Variants in FUT8 observed in about 807,000 individuals in gnomAD.
FUT8 encodes alpha-(1,6)-fucosyltransferase.
FUT8 carries 29 observed loss-of-function variants against 71.3 expected under a neutral mutation model. The observed-to-expected ratio is 0.41, with a 90% confidence interval of 0.30 to 0.55. The LOEUF is 0.55. FUT8 is among the 20% of genes least tolerant of loss of function. The pLI is 0.34. For missense variants in FUT8, 544 were observed against 702.1 expected (o/e 0.77, Z 2.55); for synonymous variants, 254 against 239.3 (o/e 1.06, Z -0.57).
At chr14:65,633,099 G>A (rs1398177384) in intron 6 of FUT8, among the ~76,000 whole-genome samples, 1 of 148,546 alleles carries the variant, frequency 6.7e-6, no homozygotes, top group East Asian at 2.0e-4. Flanking sequence ...CTGCCATCTC[G>A]GCTCACTGCA....
the FUT8 span, among the ~76,000 whole-genome samples, chr14:65,382,373 A>G: frequency 1.3e-5 from 2 of 152,104 alleles, no homozygotes; most frequent in Non-Finnish European, 2.9e-5. Context: ...GTCTCGCTCT[A>G]TCACCCAGGC....
At chr14:65,650,323 A>AC (rs1263229465) in intron 6 of FUT8, among the ~76,000 whole-genome samples, 11 of 146,202 alleles carry the variant, frequency 7.5e-5, no homozygotes, top group South Asian at 2.2e-4. Flanking sequence ...AAAAAAAAAA[A>AC]AAAACCTGAG....
chr14:65,689,953 C>A (rs1893493246), intron 7 of FUT8, among the ~76,000 whole-genome samples: 1 of 152,214 alleles, frequency 6.6e-6, no homozygotes, highest in South Asian at 2.1e-4. Flanking sequence ...CCTAAATAAT[C>A]TCCTGTGTTA....
chr14:65,723,612 A>G (rs995923158), intron 8 of FUT8, among the ~76,000 whole-genome samples: 7 of 152,228 alleles, frequency 4.6e-5, no homozygotes, highest in East Asian at 1.9e-4. Context: ...ACGGTGCTGT[A>G]AAAGTTTATC....
chr14:65,475,478 G>A lies in FUT8; in HGVS notation c.-228+19760G>A, dbSNP rs139984050. Among the ~76,000 whole-genome samples, 3 of 152,216 alleles carry A rather than the reference G, an allele frequency of 2.0e-5. No individual in the cohort carries two copies. The East Asian group carries it at 5.8e-4, about 29-fold the overall frequency. On this transcript the variant is annotated intron_variant, in intron 2 of 10. Transcript: ENST00000673929. ...ATAACATTAAAAGTGTCAGGATGAT[G>A]CCTGTAATCCCAGCACTTTTGAAGG...
intron 2 of FUT8, among the ~76,000 whole-genome samples, chr14:65,509,056 G>C (rs1462781391): frequency 6.6e-6 from 1 of 152,006 alleles, no homozygotes; most frequent in Non-Finnish European, 1.5e-5. Context: ...CATAGTTTGA[G>C]GTCTTAGATT....
chr14:65,359,308 T>C, the FUT8 span, among the ~76,000 whole-genome samples: 1 of 152,226 alleles, frequency 6.6e-6, no homozygotes, highest in East Asian at 1.9e-4. Flanking sequence ...ACAAGGCACA[T>C]TCATTTTCTT....
At chr14:65,363,099 T>C in the FUT8 span, among the ~76,000 whole-genome samples, 2 of 152,120 alleles carry the variant, frequency 1.3e-5, no homozygotes, top group African/African-American at 2.4e-5. Context: ...CTGAAGGAAT[T>C]TGAGACATGG....
intron 3 of FUT8, among the ~76,000 whole-genome samples, chr14:65,578,882 A>T (rs754950982): frequency 2.0e-4 from 31 of 152,150 alleles, no homozygotes; most frequent in Admixed American, 5.9e-4. Flanking sequence ...TTTGATTTTA[A>T]CATAGTCTTT....
At chr14:65,592,352 A>G (rs1012894026) in intron 3 of FUT8, among the ~76,000 whole-genome samples, 6 of 151,894 alleles carry the variant, frequency 4.0e-5, no homozygotes, top group Non-Finnish European at 8.8e-5. Flanking sequence ...CCTTCATTCA[A>G]GCATAAGTGG....
chr14:65,660,907 C>G lies in FUT8; in HGVS notation c.598-8336C>G, dbSNP rs1018493278. On this transcript the variant is annotated intron_variant, in intron 6 of 10. Coordinates refer to ENST00000673929, the MANE Select transcript of FUT8 (RefSeq NM_001371533.1). The surrounding 1 kb of genome is among the most constrained non-coding windows in gnomAD (Gnocchi z 4.1). The stretch of plus-strand genomic sequence containing the variant: ...TTAGAGAAATAAAATCAGATTGTTT[C>G]TAATATAATGAAATGCTTTCACTAC... Among the ~76,000 whole-genome samples the G allele has an allele frequency of 2.0e-4, 31 of 152,106 alleles. No individual in the cohort carries two copies. The highest frequency in any genetic ancestry group is 6.3e-4 in the African/African-American group (26 of 41,416).
chr14:65,515,803 T>C (rs571724080), intron 2 of FUT8, among the ~76,000 whole-genome samples: 82 of 152,298 alleles, frequency 5.4e-4, no homozygotes, highest in African/African-American at 1.9e-3. Context: ...TTTTTAAGGA[T>C]GTTATAGACC....
intron 9 of FUT8, among the ~76,000 whole-genome samples, chr14:65,726,575 C>T (rs924892622): frequency 1.3e-5 from 2 of 152,122 alleles, no homozygotes; most frequent in African/African-American, 2.4e-5. Flanking sequence ...AAAGATTTGC[C>T]CCCGTGATTC....
At chr14:65,622,341 C>CTAGT (rs1359066775) in intron 5 of FUT8, among the ~76,000 whole-genome samples, 5 of 152,126 alleles carry the variant, frequency 3.3e-5, no homozygotes, top group African/African-American at 1.2e-4. Context: ...AATACTTTAC[C>CTAGT]TAGTGCGTGA....
chr14:65,450,076 A>G (rs2065799328), intron 1 of FUT8, among the ~76,000 whole-genome samples: 1 of 152,116 alleles, frequency 6.6e-6, no homozygotes, highest in Non-Finnish European at 1.5e-5. Context: ...TTGTGTGCAT[A>G]TGTATGCATG....
the FUT8 span, among the ~76,000 whole-genome samples, chr14:65,362,838 T>C: frequency 2.6e-5 from 4 of 151,892 alleles, no homozygotes; most frequent in Admixed American, 6.6e-5. Context: ...GGTGTGTGCC[T>C]GTAGTCCCAG....
the FUT8 span, among the ~76,000 whole-genome samples, chr14:65,369,483 T>A: frequency 6.6e-6 from 1 of 152,060 alleles, no homozygotes; most frequent in African/African-American, 2.4e-5. This position sits in a 1 kb window ranked among gnomAD's most constrained non-coding sequence, Gnocchi z 4.6. Context: ...CATTCTAAGT[T>A]CCAGAAGGAG....
intron 7 of FUT8, among the ~76,000 whole-genome samples, chr14:65,680,175 A>G (rs933474697): frequency 5.3e-5 from 8 of 152,206 alleles, no homozygotes; most frequent in Non-Finnish European, 8.8e-5. Context: ...CCAGTAGTGT[A>G]TTATAGTTGA....
chr14:65,555,902 A>G lies in FUT8; in HGVS notation c.-227-5435A>G, dbSNP rs74765043. Among the ~76,000 whole-genome samples, 877 of 152,296 alleles carry G rather than the reference A, an allele frequency of 5.8e-3. 30 individuals carry two copies. In the East Asian group the frequency reaches 0.093, roughly 16 times the overall value. On this transcript the variant is annotated intron_variant, in intron 2 of 10. Transcript: ENST00000673929. ...GTATAAAACCAATAATTGTAATTGT[A>G]TCTGTTAAATCTCTTATTTGCTGTA...
Sources: gnomAD v4.1 joint callset for allele counts (sites outside exome capture counted in the v4.1 genomes callset) on GRCh38, gnomAD v4.1.1 for gene constraint, Gnocchi (gnomAD v3.1) non-coding constraint, MANE v1.5 for transcripts, NCBI Gene and HGNC (gene_info 2026-07-23, HGNC 2026-07-21) for gene names.